Variants in GAS7 observed in about 807,000 individuals in gnomAD.
The protein encoded by GAS7 is growth arrest specific 7, also known as growth arrest-specific protein 7.
A neutral mutation model predicts 71.1 loss-of-function variants in GAS7; 28 were observed. The ratio of observed to expected loss-of-function variants is 0.39; its 90% CI spans 0.29 to 0.54. The LOEUF (loss-of-function observed/expected upper bound fraction) is 0.54, where lower values mean the gene tolerates loss of function less well. Ranked by LOEUF, GAS7 falls within the 20% of genes least tolerant of loss-of-function variation. GAS7 has a pLI of 0.62. For synonymous variants in GAS7, 258 were observed against 245.8 expected (o/e 1.05, Z -0.46); for missense variants, 436 against 627.8 (o/e 0.69, Z 3.27).
At chr17:10,144,104 G>C (rs78696991) in intron 1 of GAS7, among the ~76,000 whole-genome samples, 5,197 of 146,764 alleles carry the variant, frequency 0.035, 321 homozygotes, top group East Asian at 0.3. Context: ...AGAAAAGCAA[G>C]GCCTGCTGGC....
intron 2 of GAS7, among the ~76,000 whole-genome samples, chr17:10,003,429 C>T (rs2071350054): frequency 1.3e-5 from 2 of 152,266 alleles, no homozygotes; most frequent in South Asian, 4.1e-4. Context: ...CCTTCCCACT[C>T]CATATGTCAC....
At chr17:10,139,399 T>A (rs933861273) in intron 1 of GAS7, among the ~76,000 whole-genome samples, 4 of 152,230 alleles carry the variant, frequency 2.6e-5, no homozygotes, top group Non-Finnish European at 5.9e-5. Context: ...TGTTCCTGGT[T>A]AGTATCAAGA....
At chr17:10,180,650 G>A (rs937564508) in intron 1 of GAS7, among the ~76,000 whole-genome samples, 2 of 152,164 alleles carry the variant, frequency 1.3e-5, no homozygotes, top group African/African-American at 4.8e-5. Flanking sequence ...CCCTGCAGCA[G>A]GGATGTTCTA....
intron 2 of GAS7, among the ~76,000 whole-genome samples, chr17:9,990,255 C>T (rs9895712): frequency 0.038 from 5,767 of 151,944 alleles, 346 homozygotes; most frequent in African/African-American, 0.13. Context: ...GGCGACAGAG[C>T]GAGACTCCAT....
chr17:10,094,529 C>T (rs951426945), intron 1 of GAS7, among the ~76,000 whole-genome samples: 12 of 151,878 alleles, frequency 7.9e-5, no homozygotes, highest in African/African-American at 2.4e-4. Flanking sequence ...AGTGCAGCGG[C>T]GCGATCTCGG....
intron 1 of GAS7, among the ~76,000 whole-genome samples, chr17:10,172,908 G>A (rs1461489742): frequency 6.6e-6 from 1 of 152,242 alleles, no homozygotes; most frequent in African/African-American, 2.4e-5. Context: ...ATTCACAACA[G>A]CCAAAACATG....
At chr17:10,049,606 CTTCTTTTTT>C (rs1451546551) in intron 1 of GAS7, among the ~76,000 whole-genome samples, 9 of 100,226 alleles carry the variant, frequency 9.0e-5, no homozygotes, top group African/African-American at 3.5e-4. Context: ...TTTGAAATTA[CTTCTTTTTT>C]TTTTTTTTTT....
At chr17:10,027,605 G>A (rs2072499166) in intron 1 of GAS7, among the ~76,000 whole-genome samples, 2 of 152,194 alleles carry the variant, frequency 1.3e-5, no homozygotes, top group African/African-American at 4.8e-5. Flanking sequence ...CACCATGTGA[G>A]GACACGCTAT....
rs781594302 is a variant in GAS7 at position 9,969,231 on chromosome 17, C to T, written c.471+446G>A. On this transcript the variant is annotated intron_variant, in intron 4 of 13. Coordinates refer to ENST00000432992, the MANE Select transcript of GAS7 (RefSeq NM_201433.2). This position sits in a 1 kb window ranked among gnomAD's most constrained non-coding sequence, Gnocchi z 5.5. ...ACAACATACTCCCATTTCCTTCCAT[C>T]TCATAGCTCTCTCTATGCTACTTTA... Among the ~76,000 whole-genome samples the T allele has an allele frequency of 1.6e-4, 24 of 152,218 alleles. No homozygotes were observed. The highest frequency in any genetic ancestry group is 3.5e-4 in the Non-Finnish European group (24 of 68,038).
intron 1 of GAS7, among the ~76,000 whole-genome samples, chr17:10,100,247 G>A (rs1421364681): frequency 6.6e-6 from 1 of 152,128 alleles, no homozygotes; most frequent in Non-Finnish European, 1.5e-5. Context: ...CTCCTATTTA[G>A]CACAGATGAT....
Position 9,932,818 on chromosome 17 carries a change from T to C in GAS7, c.885+1348A>G, listed in dbSNP as rs2068257849. 2.6e-5 allele frequency among the ~76,000 whole-genome samples: 4 copies of C among 152,134 alleles called. No individual in the cohort carries two copies. The South Asian group carries it at 6.2e-4, about 24-fold the overall frequency. ...CCATCCTGAGCCCTGAGGATGGGAATAGGACAGAAACACCCTGCCCTCGAG... is the reference window on the plus strand; with the variant it reads ...CCATCCTGAGCCCTGAGGATGGGAACAGGACAGAAACACCCTGCCCTCGAG... On this transcript the variant is annotated intron_variant, in intron 9 of 13. Transcript: ENST00000432992.
At chr17:10,124,302 G>A (rs974716079) in intron 1 of GAS7, among the ~76,000 whole-genome samples, 3 of 152,216 alleles carry the variant, frequency 2.0e-5, no homozygotes, top group African/African-American at 7.2e-5. Context: ...ACTTGAGCCC[G>A]TGAGGCCTGA....
intron 1 of GAS7, among the ~76,000 whole-genome samples, chr17:10,125,875 ACTC>A (rs2073941761): frequency 1.3e-5 from 2 of 151,624 alleles, no homozygotes; most frequent in African/African-American, 4.8e-5. Context: ...CTTCCCTTCC[ACTC>A]CTCTCTACCC....
At chr17:9,930,855 C>T (rs1182007240) in intron 9 of GAS7, among the ~76,000 whole-genome samples, 1 of 152,226 alleles carries the variant, frequency 6.6e-6, no homozygotes, top group African/African-American at 2.4e-5. Context: ...CGCTTGAGGC[C>T]ACCAACACTG....
chr17:10,181,755 G>C (rs1486408960), intron 1 of GAS7, among the ~76,000 whole-genome samples: 1 of 152,138 alleles, frequency 6.6e-6, no homozygotes, highest in African/African-American at 2.4e-5. Flanking sequence ...ATATGAGATA[G>C]GAATTTGGCA....
At chr17:10,174,945 A>G (rs777279237) in intron 1 of GAS7, among the ~76,000 whole-genome samples, 7 of 152,028 alleles carry the variant, frequency 4.6e-5, no homozygotes, top group Non-Finnish European at 1.0e-4. Flanking sequence ...TCCTGGACTC[A>G]AGCGATACTC....
intron 4 of GAS7, among the ~76,000 whole-genome samples, chr17:9,968,447 T>C (rs1306148420): frequency 6.6e-6 from 1 of 152,216 alleles, no homozygotes; most frequent in Non-Finnish European, 1.5e-5. Flanking sequence ...TCTAAGTCCA[T>C]CAAAACATAA....
Position 9,915,999 on chromosome 17 carries a change from G to T in GAS7, c.*1229C>A. The T allele has an allele frequency of 4.3e-6, 1 of 233,028 alleles. No individual in the cohort carries two copies. The highest frequency in any genetic ancestry group is 1.8e-4 in the South Asian group (1 of 5,518). The allele number at this position is 233,028 out of a possible 1,614,324, so 14.4% of individuals were successfully genotyped here. On this transcript the variant is annotated 3_prime_UTR_variant, in exon 14 of 14. Coordinates refer to ENST00000432992, the MANE Select transcript of GAS7 (RefSeq NM_201433.2). ...GAAAGGAGGTGCAGACACCAAGTAA[G>T]GGTTTGGTGCAGGGCTCTGGAATGT...
chr17:9,960,171 G>A (rs2069423735), intron 4 of GAS7, among the ~76,000 whole-genome samples: 1 of 151,996 alleles, frequency 6.6e-6, no homozygotes, highest in African/African-American at 2.4e-5. Flanking sequence ...TTGTGCCCCA[G>A]GACTTGTGCA....
Sources: gnomAD v4.1 joint callset for allele counts (sites outside exome capture counted in the v4.1 genomes callset) on GRCh38, gnomAD v4.1.1 for gene constraint, Gnocchi (gnomAD v3.1) non-coding constraint, MANE v1.5 for transcripts, NCBI Gene and HGNC (gene_info 2026-07-23, HGNC 2026-07-21) for gene names.